Variants in CEP70 observed in about 807,000 individuals in gnomAD.
CEP70 encodes the protein centrosomal protein of 70 kDa.
CEP70 carries 70 observed loss-of-function variants against 90.9 expected under a neutral mutation model. The observed-to-expected ratio is 0.77, with a 90% CI of 0.64 to 0.94. The LOEUF (loss-of-function observed/expected upper bound fraction) is 0.94, where lower values mean the gene tolerates loss of function less well. Ranked by LOEUF, CEP70 falls within the 40% of genes least tolerant of loss-of-function variation. The pLI, the probability that CEP70 is intolerant of heterozygous loss-of-function variation, is 0.00. For synonymous variants in CEP70, 220 were observed against 228.3 expected (o/e 0.96, Z 0.33); for missense variants, 648 against 669.0 (o/e 0.97, Z 0.35).
rs2033845452 is a variant in CEP70 at position 138,494,356 on chromosome 3, T to C, written c.*659A>G. Reference sequence around the variant, plus strand: ...GAGGACACTTATGTTTGGAAATTCTTTACAGAAATTTTATTTGAGATCTCA... The same window carrying C: ...GAGGACACTTATGTTTGGAAATTCTCTACAGAAATTTTATTTGAGATCTCA... On this transcript the variant is annotated 3_prime_UTR_variant, in exon 18 of 18. Transcript: ENST00000264982. The C allele has an allele frequency of 6.6e-6, 1 of 152,222 alleles. No individual in the cohort carries two copies. The highest frequency in any genetic ancestry group is 1.5e-5 in the Non-Finnish European group (1 of 68,048). The allele number at this position is 152,222 out of a possible 1,614,324, so 9.4% of individuals were successfully genotyped here. A position where few individuals can be genotyped will look rare whatever the true frequency, so the allele number is the denominator to read the frequency against.
chr3:138,529,466 T>A lies in CEP70; in HGVS notation c.693-4A>T. On this transcript the variant is annotated splice_region_variant and splice_polypyrimidine_tract_variant and intron_variant, in intron 8 of 17. Coordinates refer to ENST00000264982, the MANE Select transcript of CEP70 (RefSeq NM_024491.4). The stretch of plus-strand genomic sequence containing the variant: ...ACTTTCATCTTCTTTATATTGCCTA[T>A]GAAAATATGTATGCAGTATACTTAT... 1.3e-6 allele frequency: 2 copies of A among 1,563,528 alleles called. No homozygotes were observed. Among genetic ancestry groups the A allele is most frequent in the Non-Finnish European group, 1.8e-6 (2 of 1,140,140 alleles).
At chr3:138,591,754 A>G (rs1379650738) in intron 2 of CEP70, 100 bp downstream of exon 2, 12 of 996,106 alleles carry the variant, frequency 1.2e-5, no homozygotes. Context: ...AGGAAGTCAA[A>G]AGGAAATATA....
At chr3:138,542,792 G>A (rs548335896) in intron 6 of CEP70, among the ~76,000 whole-genome samples, 1 of 152,324 alleles carries the variant, frequency 6.6e-6, no homozygotes, top group Admixed American at 6.5e-5. Flanking sequence ...TTCTTGTCCT[G>A]TGTCCAGGAA....
At chr3:138,557,452 G>A (rs549090896) in intron 6 of CEP70, among the ~76,000 whole-genome samples, 6 of 152,276 alleles carry the variant, frequency 3.9e-5, no homozygotes, top group Non-Finnish European at 7.4e-5. Flanking sequence ...AGTGATAAGC[G>A]TCCATGAAAT....
intron 12 of CEP70, among the ~76,000 whole-genome samples, 176 bp downstream of exon 12, chr3:138,508,263 G>A (rs930745027): frequency 3.9e-5 from 6 of 152,054 alleles, no homozygotes; most frequent in African/African-American, 1.4e-4. Context: ...GTAGTAAGAC[G>A]AATTCTACAA....
At chr3:138,503,026 C>T (rs1175069352) in intron 13 of CEP70, among the ~76,000 whole-genome samples, 1 of 152,160 alleles carries the variant, frequency 6.6e-6, no homozygotes, top group Non-Finnish European at 1.5e-5. Flanking sequence ...ATTTTTAAAA[C>T]TAGTAAAATA....
intron 11 of CEP70, among the ~76,000 whole-genome samples, chr3:138,511,071 C>T (rs909124685): frequency 6.6e-6 from 1 of 151,896 alleles, no homozygotes; most frequent in African/African-American, 2.4e-5. Flanking sequence ...CGGTGTTTTA[C>T]CATGTTGGCC....
intron 2 of CEP70, among the ~76,000 whole-genome samples, chr3:138,574,538 G>T (rs564016723): frequency 6.6e-6 from 1 of 152,368 alleles, no homozygotes; most frequent in African/African-American, 2.4e-5. Flanking sequence ...AAAGGCAGCA[G>T]AAACTTCTGC....
chr3:138,509,056 T>G (rs1467086801), intron 11 of CEP70, among the ~76,000 whole-genome samples: 4 of 152,128 alleles, frequency 2.6e-5, no homozygotes, highest in African/African-American at 9.7e-5. Context: ...TTTTAAATCA[T>G]ATTGTCACTG....
At chr3:138,512,795 C>A (rs2035647217) in intron 11 of CEP70, among the ~76,000 whole-genome samples, 1 of 152,050 alleles carries the variant, frequency 6.6e-6, no homozygotes, top group Non-Finnish European at 1.5e-5. Context: ...CATGATCTCA[C>A]AGTGGAATAA....
chr3:138,535,529 G>A (rs75432183), intron 7 of CEP70, among the ~76,000 whole-genome samples: 1,705 of 152,260 alleles, frequency 0.011, 35 homozygotes, highest in African/African-American at 0.039. Context: ...CCCAGTACCC[G>A]TGTAACTTTT....
intron 11 of CEP70, among the ~76,000 whole-genome samples, chr3:138,523,698 C>G (rs2036914823): frequency 6.6e-6 from 1 of 152,262 alleles, no homozygotes; most frequent in East Asian, 1.9e-4. Flanking sequence ...AGGAGAACTA[C>G]CAACCACTGC....
chr3:138,572,147 AT>A (rs1292902082), intron 3 of CEP70, among the ~76,000 whole-genome samples: 1 of 152,200 alleles, frequency 6.6e-6, no homozygotes, highest in Non-Finnish European at 1.5e-5. Flanking sequence ...TGGAGCCAAT[AT>A]TTCAGACAGC....
At chr3:138,543,067 AG>A (rs2038893993) in intron 6 of CEP70, among the ~76,000 whole-genome samples, 1 of 152,198 alleles carries the variant, frequency 6.6e-6, no homozygotes, top group Non-Finnish European at 1.5e-5. Flanking sequence ...AAAGGCATGA[AG>A]GAAGTTCTCA....
At chr3:138,509,095 G>T (rs953041262) in intron 11 of CEP70, among the ~76,000 whole-genome samples, 2 of 152,028 alleles carry the variant, frequency 1.3e-5, no homozygotes, top group Admixed American at 6.5e-5. Flanking sequence ...TCAATAAATC[G>T]CAAATTAGAA....
At chr3:138,548,696 A>G (rs1179553469) in intron 6 of CEP70, among the ~76,000 whole-genome samples, 1 of 152,240 alleles carries the variant, frequency 6.6e-6, no homozygotes, top group Non-Finnish European at 1.5e-5. Context: ...AATGGCAGAT[A>G]GGAGGCAGGA....
chr3:138,558,878 C>A (rs1043308608), intron 6 of CEP70, among the ~76,000 whole-genome samples: 4 of 152,164 alleles, frequency 2.6e-5, no homozygotes, highest in Non-Finnish European at 4.4e-5. Flanking sequence ...AAGTAATCCA[C>A]TGAGAACCAG....
intron 11 of CEP70, among the ~76,000 whole-genome samples, chr3:138,514,734 T>C (rs1328127294): frequency 1.3e-5 from 2 of 152,040 alleles, no homozygotes; most frequent in Admixed American, 1.3e-4. Context: ...CTTGAAAAAA[T>C]TTTTTTCATT....
chr3:138,578,466 C>T (rs901928953), intron 2 of CEP70, among the ~76,000 whole-genome samples: 3 of 152,086 alleles, frequency 2.0e-5, no homozygotes, highest in African/African-American at 7.2e-5. Flanking sequence ...AGAAGAAAAA[C>T]AGAAGATGCT....
Sources: allele counts gnomAD v4.1 joint callset (sites outside exome capture counted in the v4.1 genomes callset), GRCh38; gene constraint gnomAD v4.1.1; transcripts MANE v1.5; gene names NCBI Gene and HGNC (gene_info 2026-07-23, HGNC 2026-07-21).